The following DPYD variants were observed in gnomAD, a reference collection of about 807,000 sequenced individuals.
DPYD encodes dihydropyrimidine dehydrogenase.
In DPYD, 109 loss-of-function variants were observed where a neutral mutation model predicts 116.2. That is an observed-to-expected ratio of 0.94 (90% CI 0.80 to 1.10). The LOEUF is 1.10. Ranked by LOEUF, DPYD falls within the 50% of genes least tolerant of loss-of-function variation. DPYD has a pLI of 0.00. For missense variants in DPYD, 1,302 were observed against 1,254.5 expected (o/e 1.04, Z -0.57); for synonymous variants, 440 against 432.0 (o/e 1.02, Z -0.23).
At chr1:97,352,772 T>C (rs1670218448) in intron 16 of DPYD, among the ~76,000 whole-genome samples, 1 of 152,124 alleles carries the variant, frequency 6.6e-6, no homozygotes, top group African/African-American at 2.4e-5. Context: ...CCAAAATGAA[T>C]AGTACATACA....
At chr1:97,760,072 T>A (rs1489084113) in intron 3 of DPYD, among the ~76,000 whole-genome samples, 1 of 152,038 alleles carries the variant, frequency 6.6e-6, no homozygotes, top group Non-Finnish European at 1.5e-5. Flanking sequence ...GGTGTTTTGG[T>A]GGAAGAAGCA....
chr1:97,629,675 C>T (rs1657136298), intron 8 of DPYD, among the ~76,000 whole-genome samples: 1 of 151,094 alleles, frequency 6.6e-6, no homozygotes, highest in Non-Finnish European at 1.5e-5. Flanking sequence ...TAGTGTCTCT[C>T]CAAAAACAAA....
At chr1:97,908,052 CCTTT>C (rs1206786555) in intron 1 of DPYD, among the ~76,000 whole-genome samples, 1 of 151,856 alleles carries the variant, frequency 6.6e-6, no homozygotes, top group African/African-American at 2.4e-5. Flanking sequence ...ATTTTTTTCC[CCTTT>C]CTTTTTGGAG....
chr1:97,319,358 G>C (rs1190569601), intron 16 of DPYD, among the ~76,000 whole-genome samples: 2 of 145,590 alleles, frequency 1.4e-5, no homozygotes, highest in Non-Finnish European at 3.0e-5. Flanking sequence ...GAAAAAAAGA[G>C]AGAAGAATCA....
At chr1:97,585,716 T>C (rs935217213) in intron 10 of DPYD, 1 of 152,216 alleles carries the variant, frequency 6.6e-6, no homozygotes, top group Non-Finnish European at 1.5e-5. Flanking sequence ...TTTTTAATAT[T>C]TTCATTTTAT....
intron 5 of DPYD, among the ~76,000 whole-genome samples, chr1:97,718,309 T>A (rs1260628771): frequency 6.6e-6 from 1 of 151,892 alleles, no homozygotes; most frequent in African/African-American, 2.4e-5. Context: ...TACTTTTTGA[T>A]GGGATTTTTT....
At chr1:97,182,122 T>C (rs1258290990) in intron 20 of DPYD, among the ~76,000 whole-genome samples, 1 of 152,118 alleles carries the variant, frequency 6.6e-6, no homozygotes, top group Non-Finnish European at 1.5e-5. Flanking sequence ...CATTGACTTA[T>C]TTGTGGGATC....
chr1:97,745,565 A>G (rs1240481731), intron 3 of DPYD, among the ~76,000 whole-genome samples: 1 of 152,124 alleles, frequency 6.6e-6, no homozygotes, highest in Non-Finnish European at 1.5e-5. Context: ...TCAGGGGATT[A>G]TTGGTTTTAC....
At chr1:97,839,336 C>G (rs898239093) in intron 2 of DPYD, among the ~76,000 whole-genome samples, 3 of 152,148 alleles carry the variant, frequency 2.0e-5, no homozygotes, top group Non-Finnish European at 4.4e-5. Context: ...TGTCTCCAAC[C>G]TAACATCTAA....
chr1:97,721,212 A>G (rs1469769536), intron 5 of DPYD, among the ~76,000 whole-genome samples: 1 of 151,772 alleles, frequency 6.6e-6, no homozygotes, highest in Non-Finnish European at 1.5e-5. Context: ...TCCTTGCCAT[A>G]CTTCCACATA....
chr1:97,838,967 G>T (rs1297301867), intron 2 of DPYD, among the ~76,000 whole-genome samples: 1 of 152,158 alleles, frequency 6.6e-6, no homozygotes, highest in African/African-American at 2.4e-5. Flanking sequence ...GGGACTATAG[G>T]AACTAGAATC....
intron 20 of DPYD, among the ~76,000 whole-genome samples, chr1:97,163,412 T>G (rs1027523832): frequency 1.3e-5 from 2 of 152,184 alleles, no homozygotes; most frequent in African/African-American, 4.8e-5. Context: ...ACTACCCAAA[T>G]CAACACATAG....
intron 12 of DPYD, among the ~76,000 whole-genome samples, chr1:97,525,789 A>AGAGAGAGAGAGAGAGAGAGAGC (rs1431555133): frequency 1.4e-5 from 2 of 142,612 alleles, no homozygotes; most frequent in African/African-American, 5.4e-5. Context: ...AGAGAGAGAG[A>AGAGAGAGAGAGAGAGAGAGAGC]GTGTGTGTGT....
chr1:97,140,022 ATT>A (rs796701262), intron 20 of DPYD, among the ~76,000 whole-genome samples: 11 of 146,546 alleles, frequency 7.5e-5, no homozygotes, highest in East Asian at 2.0e-4. Context: ...GGCAACTGAC[ATT>A]TTTTTTTTTT....
chr1:97,660,045 A>G (rs1659162675), intron 8 of DPYD, among the ~76,000 whole-genome samples: 1 of 152,152 alleles, frequency 6.6e-6, no homozygotes, highest in African/African-American at 2.4e-5. Flanking sequence ...AAGCAAAATA[A>G]AAGTAGCTGC....
intron 14 of DPYD, among the ~76,000 whole-genome samples, chr1:97,391,980 AT>A (rs1168447892): frequency 5.3e-5 from 8 of 151,782 alleles, no homozygotes; most frequent in South Asian, 2.1e-4. Context: ...TACAAAAAAA[AT>A]AATACTAACT....
In DPYD at chr1:97,462,304, A is replaced by T. The variant is rs375589006; in HGVS notation, c.1741-12081T>A. ...CAAACCCAGAATTCTGAGATAATACACTTCTCAGTTCATCCTTCAGAAGAC... is the reference window on the plus strand; with the variant it reads ...CAAACCCAGAATTCTGAGATAATACTCTTCTCAGTTCATCCTTCAGAAGAC... On this transcript the variant is annotated intron_variant, in intron 13 of 22. Transcript: ENST00000370192. Among the ~76,000 whole-genome samples the T allele has an allele frequency of 3.1e-4, 47 of 152,284 alleles. 2 individuals are homozygous for T. The East Asian group carries it at 3.7e-3, about 12-fold the overall frequency.
Position 97,531,070 on chromosome 1 carries a change from T to C in DPYD, c.1525-15129A>G, listed in dbSNP as rs140764665. Among the ~76,000 whole-genome samples the C allele has an allele frequency of 3.9e-3, 590 of 152,348 alleles. 6 individuals are homozygous for C. Among genetic ancestry groups the C allele is most frequent in the African/African-American group, 0.013 (550 of 41,580 alleles). On this transcript the variant is annotated intron_variant, in intron 12 of 22. Transcript: ENST00000370192. ...TCTTCCCATTCTAAAGGCTGCTTTA[T>C]TACTCTGTTGATTGTTTCCTTAGCT... is the stretch of plus-strand genomic sequence containing the variant.
intron 1 of DPYD, among the ~76,000 whole-genome samples, chr1:97,886,556 T>G (rs1672497647): frequency 6.6e-6 from 1 of 152,036 alleles, no homozygotes. Context: ...ACCTAGTACT[T>G]TGCTCATAAA....
Sources: allele counts gnomAD v4.1 joint callset (sites outside exome capture counted in the v4.1 genomes callset), GRCh38; gene constraint gnomAD v4.1.1; transcripts MANE v1.5; gene names NCBI Gene and HGNC (gene_info 2026-07-23, HGNC 2026-07-21).